The following ANXA1 variants were observed in gnomAD, a reference collection of about 807,000 sequenced individuals.
The protein encoded by ANXA1 is annexin I (lipocortin I).
Under a neutral mutation model 47.9 loss-of-function variants are expected in ANXA1, and 39 were observed. The observed-to-expected ratio is 0.81, with a 90% CI of 0.63 to 1.06. ANXA1 has a LOEUF of 1.06. ANXA1 is among the 50% of genes least tolerant of loss of function. The probability of loss-of-function intolerance (pLI) is 0.00; values close to 1 mark genes in which losing one functional copy is unlikely to be tolerated. For missense variants in ANXA1, 446 were observed against 422.7 expected (o/e 1.06, Z -0.48); for synonymous variants, 146 against 142.5 (o/e 1.02, Z -0.17).
chr9:73,157,420 G>A lies in ANXA1; in HGVS notation c.-14-1102G>A, dbSNP rs145782510. ...TGTAATTCCAGCACTTTGGGAGGCC[G>A]AGGCGGGCAGATCACTTGGGGTCAT... On this transcript the variant is annotated intron_variant, in intron 1 of 12. Coordinates refer to ENST00000257497, the MANE Select transcript of ANXA1 (RefSeq NM_000700.3). Among the ~76,000 whole-genome samples the A allele has an allele frequency of 1.7e-4, 26 of 151,988 alleles. No homozygotes were observed. The East Asian group carries it at 3.7e-3, about 22-fold the overall frequency.
At chr9:73,153,786 GGGATT>G (rs1165074998) in intron 1 of ANXA1, among the ~76,000 whole-genome samples, 2 of 152,162 alleles carry the variant, frequency 1.3e-5, no homozygotes, top group African/African-American at 4.8e-5. Flanking sequence ...CATTTTGCTA[GGGATT>G]GGAAGTACAT....
At position 73,163,517 on chromosome 9, in the gene ANXA1, T is replaced by A; in HGVS notation, c.597T>A (p.Ala199=). 2 of 1,612,920 alleles carry A rather than the reference T, an allele frequency of 1.2e-6. No homozygotes were observed. The highest frequency in any genetic ancestry group is 1.7e-6 in the Non-Finnish European group (2 of 1,179,154). ...ACTTTGGTGTGAATGAAGACTTGGC[T>A]GATTCAGATGCCAGGGTAAGGAAGT... ...SEDFGVNEDL[A]DSDARALYEA... The change falls in exon 8 of 13, where the codon GCT becomes GCA. Residue 199 remains alanine, a synonymous_variant. Coordinates refer to ENST00000257497, the MANE Select transcript of ANXA1 (RefSeq NM_000700.3).
intron 12 of ANXA1, among the ~76,000 whole-genome samples, chr9:73,169,590 A>G (rs1173667585): frequency 6.6e-6 from 1 of 152,174 alleles, no homozygotes; most frequent in African/African-American, 2.4e-5. Context: ...GACAAAGAAC[A>G]GTCAAGGGTT....
chr9:73,159,909 G>T (rs1824109684), intron 4 of ANXA1: 1 of 163,600 alleles, frequency 6.1e-6, no homozygotes, highest in African/African-American at 2.4e-5. Flanking sequence ...AAACCTCAAA[G>T]ATTGGAAACA....
At chr9:73,167,321 GAGAGTC>G (rs1824248415) in intron 10 of ANXA1, among the ~76,000 whole-genome samples, 170 bp from the exon 11 acceptor site, 1 of 152,108 alleles carries the variant, frequency 6.6e-6, no homozygotes, top group South Asian at 2.1e-4. Context: ...CCACCATCTA[GAGAGTC>G]ACAAATACCT....
chr9:73,168,287 T>C (rs1234007906), intron 11 of ANXA1: 1 of 152,170 alleles, frequency 6.6e-6, no homozygotes, highest in East Asian at 1.9e-4. Flanking sequence ...GTGGTTAGCA[T>C]AGTTGCTGCC....
intron 9 of ANXA1, 58 bp from the exon 10 acceptor site, chr9:73,166,039 A>G: frequency 7.2e-7 from 1 of 1,386,234 alleles, no homozygotes; most frequent in Non-Finnish European, 9.9e-7. Flanking sequence ...TGATTTTGCT[A>G]AAGCTTTCTA....
At chr9:73,154,373 A>G in intron 1 of ANXA1, 1 of 1,363,834 alleles carries the variant, frequency 7.3e-7, no homozygotes, top group Non-Finnish European at 9.8e-7. Context: ...TGATCATGTC[A>G]TTTTCTTTTT....
rs1462337407 is a variant in ANXA1 at position 73,151,911 on chromosome 9, A to G, written c.-28A>G. On this transcript the variant is annotated 5_prime_UTR_variant, in exon 1 of 13. Coordinates refer to ENST00000257497, the MANE Select transcript of ANXA1 (RefSeq NM_000700.3). The stretch of plus-strand genomic sequence containing the variant: ...AATTTCTCTTTAGTTCTTTGCAAGA[A>G]GGTAGAGATAAAGGTAAGTCTTGGT... The G allele has an allele frequency of 6.6e-6, 1 of 152,176 alleles. No homozygotes were observed. The highest frequency in any genetic ancestry group is 1.5e-5 in the Non-Finnish European group (1 of 68,030). The allele number at this position is 152,176 out of a possible 1,614,324, so 9.4% of individuals were successfully genotyped here.
intron 10 of ANXA1, 111 bp downstream of exon 10, chr9:73,166,303 C>A: frequency 1.3e-6 from 1 of 741,814 alleles, no homozygotes; most frequent in Non-Finnish European, 2.2e-6. Context: ...AAACAAAAAA[C>A]AATCAGAAGT....
intron 1 of ANXA1, among the ~76,000 whole-genome samples, chr9:73,153,820 T>C (rs1400023085): frequency 1.3e-5 from 2 of 152,200 alleles, no homozygotes; most frequent in African/African-American, 4.8e-5. Flanking sequence ...AATATTATTA[T>C]TTGTATGTTA....
intron 1 of ANXA1, among the ~76,000 whole-genome samples, chr9:73,154,628 G>T (rs769152719): frequency 3.3e-5 from 5 of 152,202 alleles, no homozygotes; most frequent in Non-Finnish European, 7.4e-5. Flanking sequence ...TGGTAGAGAC[G>T]GGGTTTCGCC....
chr9:73,166,614 G>A (rs1004099820), intron 10 of ANXA1, among the ~76,000 whole-genome samples: 2 of 152,064 alleles, frequency 1.3e-5, no homozygotes, highest in Non-Finnish European at 1.5e-5. Context: ...CAGTGGGTCC[G>A]AGTTGGCCTC....
chr9:73,169,134 T>G lies in ANXA1; in HGVS notation c.964T>G (p.Ser322Ala). ...KAFYQKMYGISLCQAILDETK... is the reference protein window; with the variant it reads ...KAFYQKMYGIALCQAILDETK... Reference sequence around the variant, plus strand: ...ATTCTATCAGAAGATGTATGGTATCTCCCTTTGCCAAGCCATCCTGGTATG... The same window carrying G: ...ATTCTATCAGAAGATGTATGGTATCGCCCTTTGCCAAGCCATCCTGGTATG... Residue 322 changes from serine to alanine, a missense_variant, in exon 12 of 13, where the codon TCC (serine) becomes GCC (alanine). Transcript: ENST00000257497. The G allele has an allele frequency of 6.2e-7, 1 of 1,611,230 alleles. No homozygotes were observed. Among genetic ancestry groups the G allele is most frequent in the South Asian group, 1.1e-5 (1 of 90,572 alleles).
At chr9:73,159,019 C>A (rs1457318029) in intron 3 of ANXA1, among the ~76,000 whole-genome samples, 1 of 152,148 alleles carries the variant, frequency 6.6e-6, no homozygotes. Flanking sequence ...ATTACTGGCT[C>A]ATTTCTAGCA....
intron 9 of ANXA1, 62 bp downstream of exon 9, chr9:73,165,271 A>G: frequency 7.3e-7 from 1 of 1,363,058 alleles, no homozygotes; most frequent in Non-Finnish European, 1.0e-6. Context: ...TTTTTTGATG[A>G]CAAATAAGAG....
intron 5 of ANXA1, 44 bp downstream of exon 5, chr9:73,160,420 T>G (rs770196300): frequency 7.0e-5 from 96 of 1,365,476 alleles, no homozygotes; most frequent in Non-Finnish European, 9.1e-5. Context: ...CAAGAGGATG[T>G]ATTGGGCAAG....
chr9:73,166,890 A>G (rs1329140594), intron 10 of ANXA1, among the ~76,000 whole-genome samples: 2 of 152,080 alleles, frequency 1.3e-5, no homozygotes, highest in Non-Finnish European at 2.9e-5. Flanking sequence ...TGCTAGTATT[A>G]TTTGGGTTCT....
At chr9:73,165,025 T>A (rs1824203280) in intron 8 of ANXA1, 91 bp from the exon 9 acceptor site, 6 of 986,928 alleles carry the variant, frequency 6.1e-6, no homozygotes, top group Non-Finnish European at 9.3e-6. Flanking sequence ...CACAAAGCGA[T>A]TGCCTATATA....
Sources: allele counts gnomAD v4.1 joint callset (sites outside exome capture counted in the v4.1 genomes callset), GRCh38; gene constraint gnomAD v4.1.1; transcripts MANE v1.5; gene names NCBI Gene and HGNC (gene_info 2026-07-23, HGNC 2026-07-21).